Variants in STXBP5L observed in about 807,000 individuals in gnomAD.
The protein encoded by STXBP5L is syntaxin binding protein 5L, also known as syntaxin-binding protein 5-like.
A neutral mutation model predicts 144.5 loss-of-function variants in STXBP5L; 65 were observed. That is an observed-to-expected ratio of 0.45 (90% CI 0.37 to 0.55). The LOEUF is 0.55. Among genes scored for constraint, STXBP5L ranks in the 20% least tolerant of loss-of-function variants. STXBP5L has a pLI of 0.00. For missense variants in STXBP5L, 1,298 were observed against 1,405.5 expected, an observed-to-expected ratio of 0.92 and a Z score of 1.22; for synonymous variants, 505 against 469.6, an observed-to-expected ratio of 1.08 and a Z score of -0.97.
At chr3:121,180,062 A>C (rs2047082549) in intron 9 of STXBP5L, among the ~76,000 whole-genome samples, 1 of 152,214 alleles carries the variant, frequency 6.6e-6, no homozygotes, top group South Asian at 2.1e-4. Flanking sequence ...AGATCTAGAC[A>C]TCCAAATACA....
intron 20 of STXBP5L, among the ~76,000 whole-genome samples, chr3:121,367,595 GTTTTTTTTTTTTTTTT>G (rs57288480): frequency 1.9e-5 from 1 of 51,336 alleles, no homozygotes; most frequent in African/African-American, 7.8e-5. Flanking sequence ...TTCGACTCTT[GTTTTTTTTTTTTTTTT>G]TTTTTTTTTT....
At chr3:121,125,002 A>C (rs1003382499) in intron 7 of STXBP5L, among the ~76,000 whole-genome samples, 1 of 152,166 alleles carries the variant, frequency 6.6e-6, no homozygotes, top group Non-Finnish European at 1.5e-5. Flanking sequence ...ACATGTATCA[A>C]GATTATTATT....
chr3:121,140,389 T>C (rs1272184586), intron 7 of STXBP5L, among the ~76,000 whole-genome samples: 1 of 152,180 alleles, frequency 6.6e-6, no homozygotes, highest in Non-Finnish European at 1.5e-5. Context: ...CTACTTGGTA[T>C]ATAACTAAAT....
chr3:121,184,766 G>A (rs1040525836), intron 9 of STXBP5L, among the ~76,000 whole-genome samples: 1 of 152,240 alleles, frequency 6.6e-6, no homozygotes, highest in South Asian at 2.1e-4. Flanking sequence ...ACAATTGTCT[G>A]ATTCGCCAAG....
chr3:121,119,428 A>G lies in STXBP5L; in HGVS notation c.606-2213A>G, dbSNP rs145296498. On this transcript the variant is annotated intron_variant, in intron 6 of 26. Coordinates refer to ENST00000471454, the MANE Select transcript of STXBP5L (RefSeq NM_001308330.2). ...CTAGGACAGGATACCATAGAATATC[A>G]ATATTTAAGATATGGGAAGATAATG... 5.9e-5 allele frequency among the ~76,000 whole-genome samples: 9 copies of G among 151,524 alleles called. No homozygotes were observed. In the East Asian group the frequency reaches 1.7e-3, roughly 29 times the overall value.
intron 9 of STXBP5L, among the ~76,000 whole-genome samples, chr3:121,179,687 T>C (rs182555258): frequency 1.9e-3 from 285 of 152,144 alleles, no homozygotes; most frequent in Non-Finnish European, 3.1e-3. Flanking sequence ...TTAAAAAATA[T>C]ATGTAGGATA....
intron 5 of STXBP5L, among the ~76,000 whole-genome samples, chr3:121,078,583 G>C (rs1036548143): frequency 3.9e-5 from 6 of 152,254 alleles, no homozygotes; most frequent in African/African-American, 1.2e-4. Context: ...GGAGCAGGGG[G>C]TGGTGCTCTT....
At chr3:121,340,315 T>C (rs998983549) in intron 20 of STXBP5L, among the ~76,000 whole-genome samples, 4 of 151,994 alleles carry the variant, frequency 2.6e-5, no homozygotes, top group Non-Finnish European at 5.9e-5. Context: ...TTTTTCAAGG[T>C]AGTAATGTCT....
intron 3 of STXBP5L, among the ~76,000 whole-genome samples, chr3:121,018,144 G>C (rs558773013): frequency 4.7e-4 from 72 of 152,130 alleles, no homozygotes; most frequent in Non-Finnish European, 9.7e-4. Flanking sequence ...ATTCAATATT[G>C]TCAAGATTGA....
intron 7 of STXBP5L, among the ~76,000 whole-genome samples, chr3:121,143,980 A>T (rs1308614566): frequency 2.0e-5 from 3 of 151,798 alleles, no homozygotes; most frequent in African/African-American, 4.8e-5. Context: ...ACAAAAATAA[A>T]CATGTAGGAC....
chr3:121,203,963 G>T (rs1215659609), intron 9 of STXBP5L, among the ~76,000 whole-genome samples: 1 of 152,136 alleles, frequency 6.6e-6, no homozygotes, highest in Non-Finnish European at 1.5e-5. Flanking sequence ...TCAGGGCTGG[G>T]CTTGGTGGCT....
At chr3:121,363,770 A>C (rs1302251733) in intron 20 of STXBP5L, among the ~76,000 whole-genome samples, 1 of 151,778 alleles carries the variant, frequency 6.6e-6, no homozygotes, top group Admixed American at 6.6e-5. Context: ...TTCTGTGTAG[A>C]TATTTGTTAG....
At chr3:121,114,436 T>C (rs1207528033) in intron 5 of STXBP5L, among the ~76,000 whole-genome samples, 1 of 152,214 alleles carries the variant, frequency 6.6e-6, no homozygotes, top group Non-Finnish European at 1.5e-5. Context: ...ATATGACCTT[T>C]ATGTATTTGA....
At chr3:121,113,984 T>C (rs974009189) in intron 5 of STXBP5L, among the ~76,000 whole-genome samples, 1 of 152,154 alleles carries the variant, frequency 6.6e-6, no homozygotes, top group South Asian at 2.1e-4. Context: ...TTTATTCTTA[T>C]ATAAAGAAGT....
chr3:121,316,000 C>CA (rs201621147), intron 19 of STXBP5L, among the ~76,000 whole-genome samples: 13,994 of 97,152 alleles, frequency 0.14, 1,045 homozygotes, highest in Admixed American at 0.28. Flanking sequence ...GACTCTGTCT[C>CA]AAAAAAAAAA....
intron 2 of STXBP5L, among the ~76,000 whole-genome samples, chr3:120,937,244 A>G (rs192763825): frequency 6.6e-5 from 10 of 152,324 alleles, no homozygotes; most frequent in Admixed American, 6.5e-4. Context: ...GAATGCTCTG[A>G]GTATATTTCA....
chr3:121,115,445 T>C (rs1174070759), intron 6 of STXBP5L, among the ~76,000 whole-genome samples: 4 of 152,188 alleles, frequency 2.6e-5, no homozygotes, highest in African/African-American at 4.8e-5. Context: ...CTTGTTCTTT[T>C]CTTGCCTCAT....
At chr3:121,348,795 G>A (rs1226446418) in intron 20 of STXBP5L, among the ~76,000 whole-genome samples, 2 of 151,986 alleles carry the variant, frequency 1.3e-5, no homozygotes, top group Middle Eastern at 3.2e-3. Flanking sequence ...TGTGGGATCG[G>A]CGGTGATATC....
chr3:121,158,869 A>T (rs1417074350), intron 9 of STXBP5L: 1 of 151,504 alleles, frequency 6.6e-6, no homozygotes, highest in Non-Finnish European at 1.5e-5. Flanking sequence ...TGATACTTTT[A>T]TTTTTTTTAC....
Sources: allele counts gnomAD v4.1 joint callset (sites outside exome capture counted in the v4.1 genomes callset), GRCh38; gene constraint gnomAD v4.1.1; transcripts MANE v1.5; gene names NCBI Gene and HGNC (gene_info 2026-07-23, HGNC 2026-07-21).